Variants in TACR1 observed in about 807,000 individuals in gnomAD.
TACR1 encodes tachykinin receptor 1.
TACR1 carries 25 observed loss-of-function variants against 35.8 expected under a neutral mutation model. That is an observed-to-expected ratio of 0.70 (90% CI 0.51 to 0.98). TACR1 has a LOEUF of 0.98. Ranked by LOEUF, TACR1 falls within the 50% of genes least tolerant of loss-of-function variation. The probability of loss-of-function intolerance (pLI) is 0.00; values close to 1 mark genes in which losing one functional copy is unlikely to be tolerated. For synonymous variants in TACR1, 195 were observed against 206.7 expected (o/e 0.94, Z 0.48); for missense variants, 478 against 522.9 (o/e 0.91, Z 0.84).
At chr2:75,090,457 C>T (rs1673286721) in intron 2 of TACR1, among the ~76,000 whole-genome samples, 1 of 152,198 alleles carries the variant, frequency 6.6e-6, no homozygotes, top group Admixed American at 6.5e-5. Context: ...CTAAAAGCTT[C>T]ACCTGCATGA....
intron 1 of TACR1, among the ~76,000 whole-genome samples, chr2:75,134,481 T>TA (rs1674241016): frequency 6.6e-6 from 1 of 152,168 alleles, no homozygotes; most frequent in African/African-American, 2.4e-5. Flanking sequence ...CCAGAGGACT[T>TA]ATGATGCATT....
At chr2:75,183,276 C>T (rs1308147504) in intron 1 of TACR1, among the ~76,000 whole-genome samples, 2 of 152,164 alleles carry the variant, frequency 1.3e-5, no homozygotes, top group African/African-American at 4.8e-5. Context: ...TCAATAGTAT[C>T]TACTTGCTTT....
chr2:75,056,915 G>A (rs1040970974), intron 2 of TACR1, among the ~76,000 whole-genome samples: 2 of 152,054 alleles, frequency 1.3e-5, no homozygotes, highest in Non-Finnish European at 2.9e-5. Flanking sequence ...CTATTTTTAG[G>A]TATAGACACC....
chr2:75,173,227 C>CA, intron 1 of TACR1, among the ~76,000 whole-genome samples: 1 of 152,292 alleles, frequency 6.6e-6, no homozygotes, highest in Admixed American at 6.5e-5. Context: ...AAATTGCCCC[C>CA]ATTCACTGGT....
chr2:75,140,727 G>C (rs1674384177), intron 1 of TACR1, among the ~76,000 whole-genome samples: 1 of 152,192 alleles, frequency 6.6e-6, no homozygotes, highest in South Asian at 2.1e-4. Context: ...GAGATTGTAA[G>C]CTCCTTGAGG....
chr2:75,185,370 G>C (rs1190689909), intron 1 of TACR1, among the ~76,000 whole-genome samples: 1 of 151,848 alleles, frequency 6.6e-6, no homozygotes, highest in Non-Finnish European at 1.5e-5. Context: ...AGAAAAGGCA[G>C]ATAGATATAA....
intron 2 of TACR1, among the ~76,000 whole-genome samples, chr2:75,075,708 A>G (rs954644307): frequency 5.3e-5 from 8 of 152,378 alleles, no homozygotes; most frequent in African/African-American, 1.9e-4. Flanking sequence ...AACAGCAACA[A>G]TAACAACAAG....
intron 1 of TACR1, among the ~76,000 whole-genome samples, chr2:75,135,310 G>T (rs1674256579): frequency 6.6e-6 from 1 of 152,196 alleles, no homozygotes; most frequent in African/African-American, 2.4e-5. Context: ...TATTTACTGG[G>T]CAGTGATGCT....
At chr2:75,078,398 A>G (rs181396294) in intron 2 of TACR1, among the ~76,000 whole-genome samples, 5 of 152,280 alleles carry the variant, frequency 3.3e-5, no homozygotes, top group Admixed American at 3.3e-4. Context: ...TGAGGATCAA[A>G]TGAGATGATT....
chr2:75,092,483 CT>C (rs1473638905), intron 2 of TACR1, among the ~76,000 whole-genome samples: 27 of 152,000 alleles, frequency 1.8e-4, no homozygotes, highest in Admixed American at 8.5e-4. Context: ...AAAACTTTAC[CT>C]GGTAACTTAG....
intron 1 of TACR1, among the ~76,000 whole-genome samples, chr2:75,146,324 T>C (rs113337449): frequency 1.3e-5 from 2 of 152,100 alleles, no homozygotes; most frequent in Non-Finnish European, 2.9e-5. Context: ...TGTTTCACCA[T>C]GTTGACCAGG....
chr2:75,132,008 T>C (rs762622471), intron 1 of TACR1, among the ~76,000 whole-genome samples: 9 of 152,208 alleles, frequency 5.9e-5, no homozygotes, highest in Non-Finnish European at 1.5e-5. Context: ...TTCATTTCTA[T>C]AAAAGCCAGA....
At chr2:75,172,984 C>G (rs1675326806) in intron 1 of TACR1, among the ~76,000 whole-genome samples, 1 of 152,036 alleles carries the variant, frequency 6.6e-6, no homozygotes, top group Non-Finnish European at 1.5e-5. Context: ...CTAATGATCT[C>G]ATTTTAACTT....
In TACR1 at chr2:75,120,744, G is replaced by A. The variant is rs1341191690; in HGVS notation, c.414C>T (p.Leu138=). Residue 138 remains leucine, a synonymous_variant, in exon 2 of 5, where the codon CTC becomes CTT. Transcript: ENST00000305249. ...TGGCTGTGGCTGACAGCCGGGGCTGGAGGGGATGTATGATGGCCATGTACC... is the reference window on the plus strand; with the variant it reads ...TGGCTGTGGCTGACAGCCGGGGCTGAAGGGGATGTATGATGGCCATGTACC... ...FDRYMAIIHP[L]QPRLSATATK... 3 of 1,613,308 alleles carry A rather than the reference G, an allele frequency of 1.9e-6. No homozygotes were observed. Among genetic ancestry groups the A allele is most frequent in the Non-Finnish European group, 2.5e-6 (3 of 1,179,794 alleles).
chr2:75,144,728 C>A (rs1674470563), intron 1 of TACR1, among the ~76,000 whole-genome samples: 1 of 152,162 alleles, frequency 6.6e-6, no homozygotes, highest in African/African-American at 2.4e-5. Context: ...AGAAATATTA[C>A]TGTTAAACAT....
intron 4 of TACR1, 112 bp downstream of exon 4, chr2:75,051,138 AC>A (rs1035171303): frequency 2.2e-6 from 3 of 1,377,298 alleles, no homozygotes; most frequent in Non-Finnish European, 2.0e-6. Flanking sequence ...TGCAGTCCCC[AC>A]TTGTCCCTCT....
At chr2:75,143,793 C>T (rs6727957) in intron 1 of TACR1, among the ~76,000 whole-genome samples, 3,917 of 152,274 alleles carry the variant, frequency 0.026, 157 homozygotes, top group African/African-American at 0.089. Flanking sequence ...GACGCTTACT[C>T]ACAGCATTGT....
intron 4 of TACR1, among the ~76,000 whole-genome samples, chr2:75,050,018 C>T (rs912469769): frequency 3.9e-5 from 6 of 152,216 alleles, no homozygotes; most frequent in African/African-American, 1.4e-4. Context: ...GGTCAGCAGA[C>T]TTTGAGTCAA....
At chr2:75,096,690 C>G (rs973785609) in intron 2 of TACR1, among the ~76,000 whole-genome samples, 2 of 152,196 alleles carry the variant, frequency 1.3e-5, no homozygotes, top group Non-Finnish European at 2.9e-5. Context: ...CCTTACTACA[C>G]CCTCCCATGT....
Sources: gnomAD v4.1 joint callset for allele counts (sites outside exome capture counted in the v4.1 genomes callset) on GRCh38, gnomAD v4.1.1 for gene constraint, MANE v1.5 for transcripts, NCBI Gene and HGNC (gene_info 2026-07-23, HGNC 2026-07-21) for gene names.